Variants in KAZN observed in about 807,000 individuals in gnomAD.
KAZN encodes the protein kazrin, periplakin interacting protein, also known as kazrin.
KAZN carries 40 observed loss-of-function variants against 87.4 expected under a neutral mutation model. The ratio of observed to expected loss-of-function variants is 0.46; its 90% CI spans 0.36 to 0.60. KAZN has a LOEUF of 0.60. KAZN is among the 20% of genes least tolerant of loss of function. The probability of loss-of-function intolerance (pLI) is 0.00; values close to 1 mark genes in which losing one functional copy is unlikely to be tolerated. For synonymous variants in KAZN, 466 were observed against 458.3 expected (o/e 1.02, Z -0.22); for missense variants, 898 against 1,073.9 (o/e 0.84, Z 2.29).
chr1:15,054,694 A>G (rs1377509048), intron 4 of KAZN, among the ~76,000 whole-genome samples: 3 of 152,160 alleles, frequency 2.0e-5, no homozygotes, highest in African/African-American at 4.8e-5. Context: ...AATATGCAGT[A>G]GCACATTTCT....
At chr1:14,315,773 A>G (rs1426623924) in intron 2 of KAZN, among the ~76,000 whole-genome samples, 1 of 152,052 alleles carries the variant, frequency 6.6e-6, no homozygotes, top group Non-Finnish European at 1.5e-5. Context: ...TTGAAAGTGT[A>G]TACCATAATT....
intron 2 of KAZN, among the ~76,000 whole-genome samples, chr1:14,268,744 A>C (rs529849612): frequency 6.6e-6 from 1 of 152,346 alleles, no homozygotes; most frequent in Non-Finnish European, 1.5e-5. Flanking sequence ...GTAACTCACA[A>C]ATTACAGGTC....
intron 2 of KAZN, among the ~76,000 whole-genome samples, chr1:14,495,832 G>C (rs1405661428): frequency 6.6e-6 from 1 of 152,166 alleles, no homozygotes; most frequent in Admixed American, 6.5e-5. Context: ...GATGCAAAAT[G>C]CATCGAGGAA....
At position 14,085,384 on chromosome 1, in the gene KAZN, C is replaced by T. The variant is rs72861289; in HGVS notation, c.92-95051C>T. 9.0e-3 allele frequency among the ~76,000 whole-genome samples: 1,373 copies of T among 152,280 alleles called. 26 individuals are homozygous for T. Among genetic ancestry groups the T allele is most frequent in the African/African-American group, 0.031 (1,307 of 41,524 alleles). On this transcript the variant is annotated intron_variant, in intron 1 of 16. Transcript: ENST00000636203. ...GCCACCAATGTGAAATAGAACATTC[C>T]GTTACCCCAGGAGCTTGCTTGTGTC... is the stretch of plus-strand genomic sequence containing the variant.
At chr1:14,368,168 A>G (rs966984359) in intron 2 of KAZN, among the ~76,000 whole-genome samples, 6 of 152,022 alleles carry the variant, frequency 3.9e-5, no homozygotes, top group Admixed American at 3.9e-4. Context: ...GTTGACTGCT[A>G]TGAGGGTATA....
chr1:14,515,322 A>G (rs12040456), intron 2 of KAZN, among the ~76,000 whole-genome samples: 5,622 of 152,294 alleles, frequency 0.037, 240 homozygotes, highest in East Asian at 0.16. Flanking sequence ...AAAATGGCAT[A>G]ACTGGGATTC....
At chr1:14,636,689 G>A (rs370739590) in intron 1 of KAZN, among the ~76,000 whole-genome samples, 5 of 152,292 alleles carry the variant, frequency 3.3e-5, no homozygotes, top group East Asian at 1.9e-4. Context: ...AGTGAGAGAC[G>A]CTCGCTCCAA....
chr1:15,091,935 A>G (rs182963002), intron 8 of KAZN, among the ~76,000 whole-genome samples: 6 of 152,122 alleles, frequency 3.9e-5, no homozygotes, highest in Non-Finnish European at 8.8e-5. Flanking sequence ...TAGACTTATC[A>G]CCTATTGTTT....
At chr1:14,508,804 G>A (rs751177141) in intron 2 of KAZN, among the ~76,000 whole-genome samples, 17 of 152,300 alleles carry the variant, frequency 1.1e-4, no homozygotes, top group Non-Finnish European at 2.4e-4. Flanking sequence ...TAGTCACCAT[G>A]GTAACAGCAA....
intron 1 of KAZN, among the ~76,000 whole-genome samples, chr1:14,152,139 T>A (rs1173899475): frequency 6.6e-6 from 1 of 152,190 alleles, no homozygotes; most frequent in Non-Finnish European, 1.5e-5. Flanking sequence ...AAATGGGGCA[T>A]CCATCATCTC....
chr1:14,188,230 T>A (rs986307963), intron 2 of KAZN, among the ~76,000 whole-genome samples: 110 of 150,202 alleles, frequency 7.3e-4, no homozygotes, highest in Non-Finnish European at 7.9e-4. Context: ...TGTGTGTGTG[T>A]GTGTGTGAAA....
intron 2 of KAZN, among the ~76,000 whole-genome samples, chr1:14,455,694 G>A (rs1210018625): frequency 1.3e-5 from 2 of 152,188 alleles, no homozygotes; most frequent in African/African-American, 4.8e-5. Flanking sequence ...GGACCAACCT[G>A]AAGCTCTTGA....
chr1:14,878,806 C>G (rs879334518), intron 1 of KAZN, among the ~76,000 whole-genome samples: 12 of 152,190 alleles, frequency 7.9e-5, no homozygotes, highest in Admixed American at 1.3e-4. Context: ...GCTCTGGGAA[C>G]ACGTTTCCTT....
chr1:15,065,774 A>G (rs1278683565), intron 8 of KAZN, 21 bp downstream of exon 8: 4 of 1,613,348 alleles, frequency 2.5e-6, no homozygotes, highest in South Asian at 2.2e-5. Context: ...TGATTATTAC[A>G]TAGAGGAGGA....
At chr1:14,916,786 C>T (rs1264080657) in intron 1 of KAZN, among the ~76,000 whole-genome samples, 3 of 151,958 alleles carry the variant, frequency 2.0e-5, no homozygotes, top group African/African-American at 4.8e-5. Flanking sequence ...GGTGGTGGCA[C>T]ACCTGTGGTC....
intron 2 of KAZN, among the ~76,000 whole-genome samples, chr1:14,435,659 C>G (rs1306213031): frequency 6.6e-6 from 1 of 152,214 alleles, no homozygotes; most frequent in African/African-American, 2.4e-5. Context: ...CAGCTGAAGG[C>G]AGCAGTTAAG....
intron 2 of KAZN, among the ~76,000 whole-genome samples, chr1:14,201,040 C>T (rs1646629369): frequency 6.6e-6 from 1 of 152,174 alleles, no homozygotes; most frequent in Non-Finnish European, 1.5e-5. Context: ...TGCATGGCCT[C>T]TCCCGGCCCA....
rs549299854 is a variant in KAZN, at chr1:14,023,984, C to T, written c.91+130228C>T. Among the ~76,000 whole-genome samples the T allele has an allele frequency of 3.1e-4, 47 of 152,238 alleles. No homozygotes were observed. The East Asian group carries it at 5.8e-3, about 19-fold the overall frequency. Reference sequence around the variant, plus strand: ...CATCTAATGGACAGTACACGGATCCCGAACTTCTTACACAGTAAAACCTTG... The same window carrying T: ...CATCTAATGGACAGTACACGGATCCTGAACTTCTTACACAGTAAAACCTTG... On this transcript the variant is annotated intron_variant, in intron 1 of 16. Transcript: ENST00000636203.
In KAZN at chr1:14,084,952, G is replaced by A. The variant is rs139906640; in HGVS notation, c.92-95483G>A. Among the ~76,000 whole-genome samples, 3 of 152,260 alleles carry A rather than the reference G, an allele frequency of 2.0e-5. No homozygotes were observed. The East Asian group carries it at 5.8e-4, about 29-fold the overall frequency. ...TGTGTACATTCATGTATGTGTACAT[G>A]CATGTATGAGTGTATGTGTGTATGT... On this transcript the variant is annotated intron_variant, in intron 1 of 16. Coordinates refer to the KAZN transcript ENST00000636203.
Sources: allele counts gnomAD v4.1 joint callset (sites outside exome capture counted in the v4.1 genomes callset), GRCh38; gene constraint gnomAD v4.1.1; transcripts MANE v1.5; gene names NCBI Gene and HGNC (gene_info 2026-07-23, HGNC 2026-07-21).